The following NME7 variants were observed in gnomAD, a reference collection of about 807,000 sequenced individuals.
The protein encoded by NME7 is nucleoside diphosphate kinase 7.
A neutral mutation model predicts 49.1 loss-of-function variants in NME7; 41 were observed. The ratio of observed to expected loss-of-function variants is 0.83; its 90% CI spans 0.65 to 1.08. The LOEUF is 1.08. Ranked by LOEUF, NME7 falls within the 50% of genes least tolerant of loss-of-function variation. NME7 has a pLI of 0.00. For missense variants in NME7, 423 were observed against 463.4 expected (o/e 0.91, Z 0.80); for synonymous variants, 139 against 150.6 (o/e 0.92, Z 0.56).
chr1:169,137,816 C>A (rs993002426), intron 11 of NME7, among the ~76,000 whole-genome samples: 1 of 152,152 alleles, frequency 6.6e-6, no homozygotes, highest in African/African-American at 2.4e-5. Flanking sequence ...AACATTCAAA[C>A]CTTGATAGAA....
intron 7 of NME7, among the ~76,000 whole-genome samples, chr1:169,252,712 T>C (rs1408456758): frequency 6.6e-6 from 1 of 151,042 alleles, no homozygotes; most frequent in Non-Finnish European, 1.5e-5. Flanking sequence ...GTTTAAGTCT[T>C]TAATCCATCT....
intron 5 of NME7, among the ~76,000 whole-genome samples, chr1:169,300,542 C>T (rs1011891553): frequency 7.9e-5 from 12 of 152,064 alleles, no homozygotes; most frequent in African/African-American, 2.4e-4. Flanking sequence ...AATTTAATTA[C>T]ATGTCAAATA....
chr1:169,240,359 A>G (rs771471907), intron 7 of NME7, among the ~76,000 whole-genome samples: 52 of 152,166 alleles, frequency 3.4e-4, no homozygotes, highest in Admixed American at 2.0e-3. Flanking sequence ...ATTTAATAAA[A>G]GGCAGCTGGA....
chr1:169,264,115 G>A (rs1190303670), intron 7 of NME7, among the ~76,000 whole-genome samples: 1 of 133,756 alleles, frequency 7.5e-6, no homozygotes, highest in African/African-American at 2.5e-5. Context: ...GATATGGAAA[G>A]GGAAGACCAT....
In NME7 at chr1:169,289,546, A is replaced by G. The variant is rs572950656; in HGVS notation, c.649-2138T>C. On this transcript the variant is annotated intron_variant, in intron 6 of 11. Coordinates refer to ENST00000367811, the MANE Select transcript of NME7 (RefSeq NM_013330.5). ...AATCCAAGTGACTGTAGCTCCAAAA[A>G]CCATGTACTTTTTCTATTATCTGTC... Among the ~76,000 whole-genome samples, 103 of 151,938 alleles carry G rather than the reference A, an allele frequency of 6.8e-4. 1 individual carries two copies. The highest frequency in any genetic ancestry group is 2.3e-3 in the African/African-American group (95 of 41,284).
rs12753703 is a variant in NME7, at chr1:169,254,229, C to T, written c.755-16542G>A. Among the ~76,000 whole-genome samples the T allele has an allele frequency of 0.057, 8,537 of 148,998 alleles. 1,036 individuals carry two copies. The East Asian group carries it at 0.61, about 11-fold the overall frequency. On this transcript the variant is annotated intron_variant, in intron 7 of 11. Coordinates refer to ENST00000367811, the MANE Select transcript of NME7 (RefSeq NM_013330.5). ...TGGTTGGTAAGCTATTGATTCTTGC[C>T]ACAATTTCAGATCCTGTTATTGTTC...
chr1:169,298,026 T>C lies in NME7; in HGVS notation c.648+530A>G, dbSNP rs531846403. On this transcript the variant is annotated intron_variant, in intron 6 of 11. Coordinates refer to ENST00000367811, the MANE Select transcript of NME7 (RefSeq NM_013330.5). ...ACCTTAAGTGAGACACTTCTCACGA[T>C]GCTAAAAATAAACTTACACTTCTTT... Among the ~76,000 whole-genome samples the C allele has an allele frequency of 2.0e-5, 3 of 152,282 alleles. No individual in the cohort carries two copies. In the East Asian group the frequency reaches 5.8e-4, roughly 29 times the overall value.
At chr1:169,164,386 G>A (rs1402708161) in intron 11 of NME7, among the ~76,000 whole-genome samples, 5 of 152,116 alleles carry the variant, frequency 3.3e-5, no homozygotes, top group Non-Finnish European at 4.4e-5. Context: ...AGTCTCACAT[G>A]AGCAAACAGA....
chr1:169,166,412 T>A (rs1659414133), intron 11 of NME7, among the ~76,000 whole-genome samples: 1 of 152,028 alleles, frequency 6.6e-6, no homozygotes, highest in Non-Finnish European at 1.5e-5. Flanking sequence ...TAACAGAAAA[T>A]CTTAATGGAG....
chr1:169,334,252 C>T (rs573027387), intron 1 of NME7, among the ~76,000 whole-genome samples: 2 of 152,266 alleles, frequency 1.3e-5, no homozygotes, highest in South Asian at 2.1e-4. Flanking sequence ...GTTCAACAAG[C>T]TTCTAAAGTT....
intron 11 of NME7, among the ~76,000 whole-genome samples, chr1:169,162,932 C>T (rs1659293226): frequency 6.6e-6 from 1 of 152,110 alleles, no homozygotes; most frequent in Non-Finnish European, 1.5e-5. Context: ...AATTTTCTAC[C>T]ATATACCCAT....
intron 10 of NME7, among the ~76,000 whole-genome samples, chr1:169,214,232 G>A (rs1660911692): frequency 6.6e-6 from 1 of 152,206 alleles, no homozygotes; most frequent in Non-Finnish European, 1.5e-5. Context: ...AAAATTAGAT[G>A]AGTAGACATC....
intron 1 of NME7, among the ~76,000 whole-genome samples, chr1:169,360,179 G>A (rs1653606289): frequency 6.6e-6 from 1 of 152,106 alleles, no homozygotes; most frequent in African/African-American, 2.4e-5. Context: ...ATGTAGCTCT[G>A]CTCGCCACAC....
intron 11 of NME7, among the ~76,000 whole-genome samples, chr1:169,154,272 G>A (rs568706526): frequency 2.4e-4 from 36 of 151,978 alleles, no homozygotes; most frequent in Non-Finnish European, 4.3e-4. Context: ...CTCAGCCTCC[G>A]AAAGTGTTGG....
chr1:169,232,036 A>G (rs1647644685), intron 9 of NME7, among the ~76,000 whole-genome samples: 1 of 152,212 alleles, frequency 6.6e-6, no homozygotes, highest in Non-Finnish European at 1.5e-5. Flanking sequence ...TAAATAAATG[A>G]CATAAAAAGG....
intron 4 of NME7, among the ~76,000 whole-genome samples, chr1:169,306,343 T>C (rs765204114): frequency 6.6e-6 from 1 of 152,174 alleles, no homozygotes; most frequent in Non-Finnish European, 1.5e-5. Flanking sequence ...GAAAATGGCA[T>C]GGAGCAATCT....
At chr1:169,252,764 T>C (rs1336325143) in intron 7 of NME7, among the ~76,000 whole-genome samples, 2 of 148,308 alleles carry the variant, frequency 1.3e-5, no homozygotes, top group African/African-American at 5.0e-5. Flanking sequence ...GGATCCAGTT[T>C]CAGCTTTCTA....
chr1:169,199,748 T>C (rs899359987), intron 10 of NME7, among the ~76,000 whole-genome samples: 1 of 151,770 alleles, frequency 6.6e-6, no homozygotes, highest in Non-Finnish European at 1.5e-5. Context: ...CATATAAAGG[T>C]AAAAGGAAAA....
chr1:169,303,310 T>C, intron 4 of NME7, 115 bp from the exon 5 acceptor site: 1 of 436,364 alleles, frequency 2.3e-6, no homozygotes, highest in Non-Finnish European at 3.9e-6. Context: ...AATTTATATT[T>C]TAATTAATAA....
Sources: allele counts gnomAD v4.1 joint callset (sites outside exome capture counted in the v4.1 genomes callset), GRCh38; gene constraint gnomAD v4.1.1; transcripts MANE v1.5; gene names NCBI Gene and HGNC (gene_info 2026-07-23, HGNC 2026-07-21).